The following PYGB variants were observed in gnomAD, a reference collection of about 807,000 sequenced individuals.
PYGB encodes glycogen phosphorylase B.
A neutral mutation model predicts 94.3 loss-of-function variants in PYGB; 82 were observed. That is an observed-to-expected ratio of 0.87 (90% CI 0.73 to 1.04). The LOEUF is 1.04. Among genes scored for constraint, PYGB ranks in the 50% least tolerant of loss-of-function variants. The pLI is 0.00. For synonymous variants in PYGB, 488 were observed against 479.1 expected, an observed-to-expected ratio of 1.02 and a Z score of -0.24; for missense variants, 1,132 against 1,158.2, an observed-to-expected ratio of 0.98 and a Z score of 0.33.
intron 5 of PYGB, among the ~76,000 whole-genome samples, chr20:25,276,075 C>A (rs1290810409): frequency 6.6e-6 from 1 of 152,102 alleles, no homozygotes; most frequent in Non-Finnish European, 1.5e-5. Flanking sequence ...GCAGGGGAAC[C>A]TGGGGGCTTG....
Position 25,263,558 on chromosome 20 carries a change from A to G in PYGB, c.345+4220A>G, listed in dbSNP as rs1347141748. On this transcript the variant is annotated intron_variant, in intron 2 of 19. Coordinates refer to ENST00000216962, the MANE Select transcript of PYGB (RefSeq NM_002862.4). ...GCAAGACTAATAAAGAGGAAAAGAG[A>G]GAAGAATCAAATAGATGCAATAAAA... Among the ~76,000 whole-genome samples, 4 of 152,232 alleles carry G rather than the reference A, an allele frequency of 2.6e-5. No homozygotes were observed. The East Asian group carries it at 7.7e-4, about 29-fold the overall frequency.
At chr20:25,263,995 A>G (rs1168537691) in intron 2 of PYGB, among the ~76,000 whole-genome samples, 1 of 152,080 alleles carries the variant, frequency 6.6e-6, no homozygotes, top group East Asian at 1.9e-4. Context: ...ATTTTAGACC[A>G]ATATCCCTGA....
chr20:25,280,804 GGTCTGGCT>G, intron 10 of PYGB, 137 bp from the exon 11 acceptor site: 1 of 1,062,326 alleles, frequency 9.4e-7, no homozygotes, highest in Admixed American at 2.5e-5. Context: ...ACTTGAGGGA[GGTCTGGCT>G]GTCACAGCCC....
intron 17 of PYGB, among the ~76,000 whole-genome samples, chr20:25,293,289 T>C (rs1344186487): frequency 6.6e-6 from 1 of 152,006 alleles, no homozygotes; most frequent in East Asian, 1.9e-4. Flanking sequence ...CCACACTCCA[T>C]TCCAACTCCA....
At chr20:25,254,705 G>A (rs756402178) in intron 1 of PYGB, among the ~76,000 whole-genome samples, 4 of 152,176 alleles carry the variant, frequency 2.6e-5, no homozygotes, top group Admixed American at 6.5e-5. Flanking sequence ...AGTTTGACAC[G>A]GTCCAGATCA....
Position 25,279,252 on chromosome 20 carries a change from G to A in PYGB, c.1092+103G>A, listed in dbSNP as rs955494706. ...GGGGGCCTCTTCCCTGGCCTTGGGA[G>A]AGCTGTGTGGTCATCATGCCCAGGA... On this transcript the variant is annotated intron_variant, in intron 9 of 19. Transcript: ENST00000216962. The A allele has an allele frequency of 7.7e-5, 95 of 1,235,952 alleles. 1 individual carries two copies. In the South Asian group the frequency reaches 9.2e-4, roughly 12 times the overall value. 76.6% of individuals were successfully genotyped at this position (1,235,952 alleles called of 1,614,324 possible).
At chr20:25,270,573 C>CT (rs200800014) in intron 3 of PYGB, among the ~76,000 whole-genome samples, 2,006 of 152,298 alleles carry the variant, frequency 0.013, 23 homozygotes, top group Middle Eastern at 0.031. Context: ...TCTTGGCTCA[C>CT]TGCAGCCTCA....
intron 1 of PYGB, among the ~76,000 whole-genome samples, chr20:25,252,293 A>T (rs927540082): frequency 2.6e-5 from 4 of 152,212 alleles, no homozygotes; most frequent in African/African-American, 9.6e-5. Context: ...CTGCCCTTGC[A>T]GGCTGTGGTG....
chr20:25,253,449 C>T (rs563684044), intron 1 of PYGB, among the ~76,000 whole-genome samples: 2 of 151,630 alleles, frequency 1.3e-5, no homozygotes, highest in Admixed American at 1.3e-4. Context: ...GTCAAAAGTT[C>T]GAGACCAGCC....
rs1182354818 is a variant in PYGB at position 25,283,290 on chromosome 20, C to A, written c.1620+13C>A. The A allele has an allele frequency of 6.2e-7, 1 of 1,606,754 alleles. No homozygotes were observed. Among genetic ancestry groups the A allele is most frequent in the East Asian group, 2.2e-5 (1 of 44,796 alleles). ...CAAGGTCAAACAGGTAGGCATGGCCCTGGCCCCAGCCCCGACCCCAGCCCT... is the reference window on the plus strand; with the variant it reads ...CAAGGTCAAACAGGTAGGCATGGCCATGGCCCCAGCCCCGACCCCAGCCCT... On this transcript the variant is annotated intron_variant, in intron 13 of 19. Coordinates refer to ENST00000216962, the MANE Select transcript of PYGB (RefSeq NM_002862.4).
rs551614385 is a variant in PYGB, at chr20:25,292,295, C to T, written c.1970-111C>T. On this transcript the variant is annotated intron_variant, in intron 16 of 19. Transcript: ENST00000216962. ...GCTGGAGCGGGGCCACAGCATTGGT[C>T]CCTCCACGACCCAGCCCCGGGTGGA... The T allele has an allele frequency of 1.4e-4, 173 of 1,270,034 alleles. 2 individuals are homozygous for T. The East Asian group carries it at 3.8e-3, about 28-fold the overall frequency. The allele number at this position is 1,270,034 out of a possible 1,614,324, so 78.7% of individuals were successfully genotyped here.
At chr20:25,256,289 G>T (rs995648184) in intron 1 of PYGB, among the ~76,000 whole-genome samples, 1 of 151,860 alleles carries the variant, frequency 6.6e-6, no homozygotes, top group African/African-American at 2.4e-5. Context: ...GGTATTTGGT[G>T]TACTGTTCGT....
chr20:25,286,368 C>G (rs1311748841), intron 14 of PYGB, among the ~76,000 whole-genome samples: 1 of 152,186 alleles, frequency 6.6e-6, no homozygotes, highest in Non-Finnish European at 1.5e-5. Flanking sequence ...GCCGGCTGCA[C>G]TCTCCTCCCG....
rs773607885 is a variant in PYGB at position 25,278,391 on chromosome 20, C to T, written c.928C>T (p.Arg310Cys). Reference protein sequence around the residue: ...VVAATLQDIIRRFKSSKFGCR... With the variant: ...VVAATLQDIICRFKSSKFGCR... ...GGCCGCCACGCTCCAGGACATCATC[C>T]GCCGCTTCAAGTCGTCCAAGTTCGG... is the stretch of plus-strand genomic sequence containing the variant. Residue 310 changes from arginine (R) to cysteine (C), a missense_variant, in exon 8 of 20, where the codon CGC becomes TGC. Physicochemically the swap from Arg to Cys is radical, Grantham distance 180. Coordinates refer to ENST00000216962, the MANE Select transcript of PYGB (RefSeq NM_002862.4). 1.3e-5 allele frequency: 21 copies of T among 1,605,234 alleles called. No homozygotes were observed. Among genetic ancestry groups the T allele is most frequent in the East Asian group, 6.8e-5 (3 of 44,126 alleles).
rs751476123 is a variant in PYGB, at chr20:25,296,518, A to G, written c.2528A>G (p.Asp843Gly). Reference sequence around the variant, plus strand: ...ATCCCGCCCCCCAACATCCCCCGGGACTAGGCACACCCTGCCTTGGCGGGA... The same window carrying G: ...ATCCCGCCCCCCAACATCCCCCGGGGCTAGGCACACCCTGCCTTGGCGGGA... ...LQIPPPNIPR[D>G] is the part of the protein sequence containing the mutation. Residue 843 changes from aspartate (D) to glycine (G), a missense_variant, in exon 20 of 20, where the codon GAC becomes GGC. By Grantham distance (94) the Asp-to-Gly change is moderately conservative. Coordinates refer to ENST00000216962, the MANE Select transcript of PYGB (RefSeq NM_002862.4). 1 of 1,612,734 alleles carries G rather than the reference A, an allele frequency of 6.2e-7. No homozygotes were observed. Among genetic ancestry groups the G allele is most frequent in the Admixed American group, 1.7e-5 (1 of 59,980 alleles).
intron 18 of PYGB, 136 bp from the exon 19 acceptor site, chr20:25,295,468 C>CTGCG: frequency 2.1e-6 from 2 of 954,544 alleles, no homozygotes; most frequent in Non-Finnish European, 3.3e-6. Context: ...CTCTGACCAG[C>CTGCG]TGCGTGGGTG....
intron 2 of PYGB, among the ~76,000 whole-genome samples, chr20:25,265,573 TTTG>T (rs775734529): frequency 1.3e-5 from 2 of 151,570 alleles, no homozygotes; most frequent in Non-Finnish European, 2.9e-5. Flanking sequence ...AATCAGGTTG[TTTG>T]TTTTCTTGTT....
chr20:25,294,382 G>A, intron 18 of PYGB, 90 bp downstream of exon 18: 1 of 1,447,950 alleles, frequency 6.9e-7, no homozygotes, highest in Non-Finnish European at 9.5e-7. Flanking sequence ...CTTGTTTGGA[G>A]AGCAAAACCC....
chr20:25,274,082 T>C (rs1214468817), intron 4 of PYGB, among the ~76,000 whole-genome samples: 6 of 152,230 alleles, frequency 3.9e-5, no homozygotes, highest in African/African-American at 1.4e-4. Flanking sequence ...GAGAGTCGAT[T>C]TCAGTATATT....
Sources: allele counts gnomAD v4.1 joint callset (sites outside exome capture counted in the v4.1 genomes callset), GRCh38; gene constraint gnomAD v4.1.1; transcripts MANE v1.5; gene names NCBI Gene and HGNC (gene_info 2026-07-23, HGNC 2026-07-21).